MAP7D2: variants seen among roughly 807,000 people sequenced by gnomAD.
The protein encoded by MAP7D2 is MAP7 domain containing 2, also known as MAP7 domain-containing protein 2.
Under a neutral mutation model 63.5 loss-of-function variants are expected in MAP7D2, and 33 were observed. The ratio of observed to expected loss-of-function variants is 0.52; its 90% CI spans 0.39 to 0.70. The LOEUF (loss-of-function observed/expected upper bound fraction) is 0.70. Among genes scored for constraint, MAP7D2 ranks in the 30% least tolerant of loss-of-function variants. MAP7D2 has a pLI of 0.00. For missense variants in MAP7D2, 626 were observed against 604.0 expected (o/e 1.04, Z -0.38); for synonymous variants, 224 against 223.7 (o/e 1.00, Z -0.01).
chrX:20,045,592 T>C (rs2064779348), intron 6 of MAP7D2, among the ~76,000 whole-genome samples: 1 of 100,193 alleles, frequency 1.0e-5, no homozygotes, highest in African/African-American at 3.7e-5. Context: ...TGCGTGGAAC[T>C]ATGCTGATTC....
intron 8 of MAP7D2, 74 bp from the exon 9 acceptor site, chrX:20,026,026 GT>G (rs2073831602): frequency 9.4e-7 from 1 of 1,059,608 alleles, no homozygotes; most frequent in Non-Finnish European, 1.3e-6. Context: ...AAGACACCTA[GT>G]TCCAACAAGC....
chrX:20,012,355 T>C lies in MAP7D2; in HGVS notation c.2066A>G (p.Asp689Gly), dbSNP rs2073231211. 8.3e-7 allele frequency: 1 copy of C among 1,197,700 alleles called. No individual in the cohort carries two copies. ...DDSTEEVQSM[D>G]VSPVSKEELI... Reference sequence around the variant, plus strand: ...GCAAAAGAAATGAATATACCTCACATCCATAGACTGAACTTCTTCAGTTGA... The same window carrying C: ...GCAAAAGAAATGAATATACCTCACACCCATAGACTGAACTTCTTCAGTTGA... Residue 689 changes from aspartate to glycine, a missense_variant, in exon 15 of 17, where the codon GAT (aspartate) becomes GGT (glycine). Transcript: ENST00000379643.
In MAP7D2 at chrX:20,116,859, G is replaced by A. The variant is rs746237691; in HGVS notation, c.21C>T (p.Gly7=). The A allele has an allele frequency of 2.8e-5, 32 of 1,126,402 alleles. No homozygotes were observed. The highest frequency in any genetic ancestry group is 3.6e-5 in the Non-Finnish European group (31 of 853,456). 92.8% of individuals were successfully genotyped at this position (1,126,402 alleles called of 1,213,427 possible). A position where few individuals can be genotyped will look rare whatever the true frequency, so the allele number is the denominator to read the frequency against. ...CCTCAGGCCGGGATCCCGTCCCGGA[G>A]CCGCCGCCGCCGCGCTCCATCGGGA... MERGGG[G]SGTGSRPEGT... The change falls in exon 1 of 17, where the codon GGC becomes GGT. Residue 7 remains glycine, a synonymous_variant. Transcript: ENST00000379643.
chrX:20,017,736 A>G (rs2148145129), intron 10 of MAP7D2, among the ~76,000 whole-genome samples: 1 of 111,627 alleles, frequency 9.0e-6, no homozygotes, highest in South Asian at 3.7e-4. Context: ...TAGATTCCTC[A>G]ATGAAATACT....
intron 1 of MAP7D2, among the ~76,000 whole-genome samples, chrX:20,092,203 C>T (rs927548942): frequency 9.0e-6 from 1 of 111,469 alleles, no homozygotes; most frequent in African/African-American, 3.3e-5. Context: ...TTCACAAAAC[C>T]TAACCTGTGC....
At chrX:20,048,752 A>T (rs1254575159) in intron 6 of MAP7D2, among the ~76,000 whole-genome samples, 1 of 108,778 alleles carries the variant, frequency 9.2e-6, no homozygotes, top group Non-Finnish European at 1.9e-5. Context: ...ACATAGTGAG[A>T]CCTTGTCCCT....
intron 1 of MAP7D2, among the ~76,000 whole-genome samples, chrX:20,112,352 T>C (rs954623455): frequency 8.9e-6 from 1 of 111,887 alleles, no homozygotes; most frequent in Non-Finnish European, 1.9e-5. Context: ...CTCATACCTG[T>C]TTTCCTTTCG....
At chrX:20,031,733 C>T (rs1243283190) in intron 8 of MAP7D2, among the ~76,000 whole-genome samples, 1 of 111,803 alleles carries the variant, frequency 8.9e-6, no homozygotes, top group Non-Finnish European at 1.9e-5. Flanking sequence ...CAGCACGGCA[C>T]TCCAGCATGG....
intron 6 of MAP7D2, among the ~76,000 whole-genome samples, chrX:20,046,329 C>T (rs1180279588): frequency 8.9e-6 from 1 of 112,165 alleles, no homozygotes; most frequent in Non-Finnish European, 1.9e-5. Flanking sequence ...TGCTCATTGG[C>T]TCTATTATTT....
At chrX:20,029,844 C>T (rs746489760) in intron 8 of MAP7D2, among the ~76,000 whole-genome samples, 1 of 109,733 alleles carries the variant, frequency 9.1e-6, no homozygotes, top group East Asian at 2.8e-4. Flanking sequence ...AAAAGAAGTT[C>T]CCAATGTTAT....
intron 1 of MAP7D2, among the ~76,000 whole-genome samples, chrX:20,109,561 T>C (rs2066679210): frequency 9.5e-6 from 1 of 104,741 alleles, no homozygotes; most frequent in Admixed American, 1.0e-4. Flanking sequence ...AGCTCCGAAG[T>C]CAAACACACT....
In MAP7D2 at chrX:20,072,897, T is replaced by C. The variant is rs758657132; in HGVS notation, c.131-8092A>G. On this transcript the variant is annotated intron_variant, in intron 1 of 16. Transcript: ENST00000379643. ...ACTACTAATGGGTTCAAGATTTCTT[T>C]TGGGAGTGATGAAAATGTGATGGTA... is the stretch of plus-strand genomic sequence containing the variant. Among the ~76,000 whole-genome samples the C allele has an allele frequency of 1.5e-3, 167 of 112,365 alleles. 1 individual carries two copies. The highest frequency in any genetic ancestry group is 5.3e-3 in the African/African-American group (163 of 30,937).
intron 1 of MAP7D2, among the ~76,000 whole-genome samples, chrX:20,067,408 T>A (rs1226821844): frequency 9.0e-6 from 1 of 111,586 alleles, no homozygotes; most frequent in Non-Finnish European, 1.9e-5. Flanking sequence ...AAATCATCTT[T>A]CCAGAAAATC....
chrX:20,025,564 A>G (rs1454357279), intron 9 of MAP7D2, 117 bp downstream of exon 9: 16 of 908,236 alleles, frequency 1.8e-5, no homozygotes, highest in Non-Finnish European at 2.3e-5. Flanking sequence ...GCACGAGGGG[A>G]TGCACTTGTC....
chrX:20,078,743 T>G (rs768936544), intron 1 of MAP7D2, among the ~76,000 whole-genome samples: 5 of 111,982 alleles, frequency 4.5e-5, no homozygotes, highest in African/African-American at 1.6e-4. Context: ...ATTACTGGTT[T>G]AGATATGGCC....
intron 10 of MAP7D2, among the ~76,000 whole-genome samples, chrX:20,017,962 T>C (rs2148146040): frequency 1.1e-5 from 1 of 92,981 alleles, no homozygotes; most frequent in East Asian, 2.9e-4. Flanking sequence ...GAAAATCCAT[T>C]CTCTTTTTTT....
intron 3 of MAP7D2, among the ~76,000 whole-genome samples, chrX:20,061,528 G>A (rs751303603): frequency 8.9e-6 from 1 of 112,381 alleles, no homozygotes; most frequent in Non-Finnish European, 1.9e-5. Flanking sequence ...GGAGAAGAGG[G>A]AACCAAGCTC....
At chrX:20,116,294 G>A (rs1371950121) in intron 1 of MAP7D2, among the ~76,000 whole-genome samples, 1 of 113,293 alleles carries the variant, frequency 8.8e-6, no homozygotes, top group East Asian at 2.8e-4. Flanking sequence ...CAAGAGGCGC[G>A]AAGCTGGGCC....
At chrX:20,071,605 T>C (rs2065503695) in intron 1 of MAP7D2, among the ~76,000 whole-genome samples, 1 of 112,038 alleles carries the variant, frequency 8.9e-6, no homozygotes, top group Non-Finnish European at 1.9e-5. Flanking sequence ...ACCAGTGTTC[T>C]AGATTATGGT....
Sources: allele counts gnomAD v4.1 joint callset (sites outside exome capture counted in the v4.1 genomes callset), GRCh38; gene constraint gnomAD v4.1.1; transcripts MANE v1.5; gene names NCBI Gene and HGNC (gene_info 2026-07-23, HGNC 2026-07-21).